NECTIN3: variants seen among roughly 807,000 people sequenced by gnomAD.
NECTIN3 encodes the protein nectin cell adhesion molecule 3, also known as nectin-3.
NECTIN3 carries 8 observed loss-of-function variants against 49.4 expected under a neutral mutation model. The ratio of observed to expected loss-of-function variants is 0.16; its 90% CI spans 0.10 to 0.29. The LOEUF is 0.29. Among genes scored for constraint, NECTIN3 ranks in the 10% least tolerant of loss-of-function variants. NECTIN3 has a pLI of 1.00. For missense variants in NECTIN3, 581 were observed against 654.6 expected (o/e 0.89, Z 1.23); for synonymous variants, 277 against 241.1 (o/e 1.15, Z -1.38).
intron 4 of NECTIN3, among the ~76,000 whole-genome samples, chr3:111,125,022 CTTTTTTTTT>C (rs869201432): frequency 6.7e-5 from 6 of 90,210 alleles, no homozygotes; most frequent in African/African-American, 2.5e-4. Context: ...TCTTTTCTTT[CTTTTTTTTT>C]TTTTTTTTTT....
chr3:111,159,154 C>A (rs540936289), intron 7 of NECTIN3, among the ~76,000 whole-genome samples: 53 of 152,206 alleles, frequency 3.5e-4, no homozygotes, highest in African/African-American at 1.2e-3. Flanking sequence ...GTTTACATAA[C>A]AATTTATACT....
intron 1 of NECTIN3, among the ~76,000 whole-genome samples, chr3:111,094,066 GA>G (rs1463908815): frequency 6.6e-6 from 1 of 151,660 alleles, no homozygotes; most frequent in African/African-American, 2.4e-5. Context: ...TTAAGGAAAG[GA>G]AAAGACAAAA....
intron 7 of NECTIN3, among the ~76,000 whole-genome samples, chr3:111,180,528 T>C (rs1576183917): frequency 6.6e-6 from 1 of 152,338 alleles, no homozygotes; most frequent in Non-Finnish European, 1.5e-5. Flanking sequence ...CTCATAACTA[T>C]TTAAAAAAGT....
intron 5 of NECTIN3, among the ~76,000 whole-genome samples, chr3:111,128,901 G>C (rs1422059318): frequency 1.3e-5 from 2 of 152,156 alleles, no homozygotes; most frequent in Non-Finnish European, 2.9e-5. Context: ...TAAAGGACAT[G>C]TCAGCTCATG....
intron 7 of NECTIN3, among the ~76,000 whole-genome samples, chr3:111,185,237 A>G (rs751611588): frequency 1.2e-4 from 18 of 152,230 alleles, no homozygotes; most frequent in Non-Finnish European, 2.2e-4. Flanking sequence ...GTTCAGCAAG[A>G]TCCTGTGCTC....
Position 111,136,047 on chromosome 3 carries a change from T to C in NECTIN3, c.*1832T>C. On this transcript the variant is annotated 3_prime_UTR_variant, in exon 6 of 6. Transcript: ENST00000485303. ...AAGAAAACTTTTTGATAAAACACTG[T>C]GATTGATGTGACTTTATTTTTAATT... 2 of 980,284 alleles carry C rather than the reference T, an allele frequency of 2.0e-6. No individual in the cohort carries two copies. Among genetic ancestry groups the C allele is most frequent in the Non-Finnish European group, 2.4e-6 (2 of 825,432 alleles). The allele number at this position is 980,284 out of a possible 1,614,324, so 60.7% of individuals were successfully genotyped here.
chr3:111,094,981 A>T (rs1343918344), intron 1 of NECTIN3, among the ~76,000 whole-genome samples: 1 of 152,306 alleles, frequency 6.6e-6, no homozygotes, highest in South Asian at 2.1e-4. Context: ...AGCAGTTATG[A>T]TTGCTATGTT....
intron 5 of NECTIN3, among the ~76,000 whole-genome samples, chr3:111,133,289 A>G (rs1404919481): frequency 6.6e-6 from 1 of 152,002 alleles, no homozygotes; most frequent in Non-Finnish European, 1.5e-5. Context: ...TAAGCTTGCT[A>G]TGTAATAGGA....
Position 111,071,993 on chromosome 3 carries a change from G to C in NECTIN3, c.-25G>C. 1.4e-6 allele frequency: 2 copies of C among 1,414,298 alleles called. No homozygotes were observed. Among genetic ancestry groups the C allele is most frequent in the Non-Finnish European group, 9.3e-7 (1 of 1,075,742 alleles). The allele number at this position is 1,414,298 out of a possible 1,614,324, so 87.6% of individuals were successfully genotyped here. On this transcript the variant is annotated 5_prime_UTR_variant, in exon 1 of 6. Coordinates refer to ENST00000485303, the MANE Select transcript of NECTIN3 (RefSeq NM_015480.3). ...CGGGGGAGCCGGGGGGCGGGCGGGC[G>C]AGCGGGCCGGGGGGAGGGTGGGGGA...
At chr3:111,164,366 C>T (rs1040435223) in intron 7 of NECTIN3, among the ~76,000 whole-genome samples, 2 of 152,190 alleles carry the variant, frequency 1.3e-5, no homozygotes, top group Non-Finnish European at 2.9e-5. Context: ...CAACTGTAGA[C>T]TATCATGTCC....
chr3:111,136,597 G>C lies in NECTIN3; in HGVS notation c.*2382G>C, dbSNP rs1025073703. 1.1e-5 allele frequency: 10 copies of C among 926,906 alleles called. No homozygotes were observed. The highest frequency in any genetic ancestry group is 2.4e-4 in the East Asian group (2 of 8,486). The allele number at this position is 926,906 out of a possible 1,614,324, so 57.4% of individuals were successfully genotyped here. On this transcript the variant is annotated 3_prime_UTR_variant, in exon 6 of 6. Coordinates refer to ENST00000485303, the MANE Select transcript of NECTIN3 (RefSeq NM_015480.3). Reference sequence around the variant, plus strand: ...AAAACATGAATAGTCATTAAATAAAGACATTGTTAAATTAGTTTTTGAATA... The same window carrying C: ...AAAACATGAATAGTCATTAAATAAACACATTGTTAAATTAGTTTTTGAATA...
intron 7 of NECTIN3, among the ~76,000 whole-genome samples, chr3:111,161,476 G>A (rs745716727): frequency 1.3e-4 from 20 of 152,076 alleles, no homozygotes; most frequent in Non-Finnish European, 2.6e-4. Context: ...CAACCCCCAC[G>A]TCACAGACCA....
At chr3:111,108,418 A>C (rs926699794) in intron 1 of NECTIN3, among the ~76,000 whole-genome samples, 1 of 152,040 alleles carries the variant, frequency 6.6e-6, no homozygotes, top group Non-Finnish European at 1.5e-5. Context: ...CCACCCCACA[A>C]CAGTATCTCC....
chr3:111,156,977 A>G (rs926809444), intron 7 of NECTIN3, among the ~76,000 whole-genome samples: 4 of 152,188 alleles, frequency 2.6e-5, no homozygotes, highest in African/African-American at 9.6e-5. Flanking sequence ...TGGTAACTCC[A>G]TCTTTTTAAA....
intron 1 of NECTIN3, among the ~76,000 whole-genome samples, chr3:111,104,573 G>T (rs1425533929): frequency 6.6e-6 from 1 of 152,002 alleles, no homozygotes; most frequent in East Asian, 1.9e-4. Context: ...TCCTGCTATA[G>T]CTTCCCAAAG....
At chr3:111,074,322 G>T in intron 1 of NECTIN3, 1 of 441,364 alleles carries the variant, frequency 2.3e-6, no homozygotes, top group Non-Finnish European at 4.6e-6. Context: ...GATGTTCATA[G>T]TACTGCTTAC....
chr3:111,160,527 C>T (rs1055967463), intron 7 of NECTIN3, among the ~76,000 whole-genome samples: 1 of 152,286 alleles, frequency 6.6e-6, no homozygotes, highest in African/African-American at 2.4e-5. Flanking sequence ...AGTTATAAGA[C>T]AGTATCTTGC....
rs375877004 is a variant in NECTIN3, at chr3:111,092,053, A to G, written c.160+19876A>G. On this transcript the variant is annotated intron_variant, in intron 1 of 5. Transcript: ENST00000485303. ...CCGTGATGGCTGATGATGTTGAGCAAATTTTCATTTGCTTATTGGCCATTT... is the reference window on the plus strand; with the variant it reads ...CCGTGATGGCTGATGATGTTGAGCAGATTTTCATTTGCTTATTGGCCATTT... 1.6e-3 allele frequency among the ~76,000 whole-genome samples: 239 copies of G among 152,282 alleles called. 1 individual carries two copies. Among genetic ancestry groups the G allele is most frequent in the African/African-American group, 5.6e-3 (234 of 41,560 alleles).
intron 5 of NECTIN3, among the ~76,000 whole-genome samples, chr3:111,144,222 G>A (rs1020181223): frequency 2.6e-5 from 4 of 151,990 alleles, no homozygotes; most frequent in African/African-American, 9.7e-5. Context: ...TGCAGTGTGG[G>A]AAAGAGAAGT....
Sources: gnomAD v4.1 joint callset for allele counts (sites outside exome capture counted in the v4.1 genomes callset) on GRCh38, gnomAD v4.1.1 for gene constraint, MANE v1.5 for transcripts, NCBI Gene and HGNC (gene_info 2026-07-23, HGNC 2026-07-21) for gene names.